DYRK1B: variants seen among roughly 807,000 people sequenced by gnomAD.
DYRK1B encodes the protein dual specificity tyrosine phosphorylation regulated kinase 1B.
A neutral mutation model predicts 57.1 loss-of-function variants in DYRK1B; 20 were observed. That is an observed-to-expected ratio of 0.35 (90% CI 0.25 to 0.51). The LOEUF (loss-of-function observed/expected upper bound fraction) is 0.51, where lower values mean the gene tolerates loss of function less well. Among genes scored for constraint, DYRK1B ranks in the 20% least tolerant of loss-of-function variants. The pLI is 0.96. For missense variants in DYRK1B, 732 were observed against 886.3 expected (o/e 0.83, Z 2.21); for synonymous variants, 409 against 384.7 (o/e 1.06, Z -0.74).
chr19:39,826,216 C>T lies in DYRK1B; in HGVS notation c.1482G>A (p.Gly494=). 6.3e-7 allele frequency: 1 copy of T among 1,595,522 alleles called. No homozygotes were observed. The highest frequency in any genetic ancestry group is 8.5e-7 in the Non-Finnish European group (1 of 1,173,666). Residue 494 remains glycine (G), a synonymous_variant, in exon 10 of 11, where the codon GGG becomes GGA. Transcript: ENST00000323039. This position sits in a 1 kb window ranked among gnomAD's most constrained non-coding sequence, Gnocchi z 6.3. The part of the protein sequence containing the change: ...RYSNRYCGGP[G]PPITDCEMNS... ...TCATCTCACAGTCTGTGATAGGGGG[C>T]CCAGGGCCCCCACAATATCGGTTGC...
chr19:39,826,756 G>T lies in DYRK1B; in HGVS notation c.1327C>A (p.Pro443Thr). ...RTADEATNTGPAGSSASTSPA... is the reference protein window; with the variant it reads ...RTADEATNTGTAGSSASTSPA... ...GAGGTGGAGGCACTGCTGCCTGCCGGGCCCGTGTTGGTGGCCTCGTCGGCC... is the reference window on the plus strand; with the variant it reads ...GAGGTGGAGGCACTGCTGCCTGCCGTGCCCGTGTTGGTGGCCTCGTCGGCC... The change falls in exon 9 of 11, where the codon CCG becomes ACG. Residue 443 changes from proline (P) to threonine (T), a missense_variant. Pro to Thr is a conservative substitution (Grantham distance 38). Around this residue, in one of 2 missense-constraint regions of DYRK1B, gnomAD observed 510 missense variants for 681.3 expected, o/e 0.75. Transcript: ENST00000323039. The surrounding 1 kb of genome is among the most constrained non-coding windows in gnomAD (Gnocchi z 6.3). 3 of 1,588,510 alleles carry T rather than the reference G, an allele frequency of 1.9e-6. No individual in the cohort carries two copies. Among genetic ancestry groups the T allele is most frequent in the Non-Finnish European group, 2.6e-6 (3 of 1,169,270 alleles).
At chr19:39,830,890 G>C in intron 2 of DYRK1B, 107 bp from the exon 3 acceptor site, 3 of 1,334,342 alleles carry the variant, frequency 2.2e-6, no homozygotes, top group South Asian at 3.0e-5. Flanking sequence ...GTTGCTGTCT[G>C]TATTTGTTCC....
chr19:39,827,730 C>G, intron 6 of DYRK1B, 74 bp from the exon 7 acceptor site: 2 of 1,551,598 alleles, frequency 1.3e-6, no homozygotes, highest in Non-Finnish European at 1.8e-6. Flanking sequence ...GCTAAGAGGA[C>G]CCAACTGAGG....
chr19:39,828,038 G>T lies in DYRK1B; in HGVS notation c.807+259C>A, dbSNP rs1275094870. ...TAAGAACAGAGAAGACAAAAACTTA[G>T]CGAGGCAGCACCCCTGGCTCAAACC... is the stretch of plus-strand genomic sequence containing the variant. On this transcript the variant is annotated intron_variant, in intron 6 of 10. Transcript: ENST00000323039. This position sits in a 1 kb window ranked among gnomAD's most constrained non-coding sequence, Gnocchi z 4.3. Among the ~76,000 whole-genome samples the T allele has an allele frequency of 2.0e-5, 3 of 152,110 alleles. No individual in the cohort carries two copies. The highest frequency in any genetic ancestry group is 2.9e-5 in the Non-Finnish European group (2 of 68,032).
chr19:39,827,390 G>C lies in DYRK1B; in HGVS notation c.990C>G (p.Gly330=), dbSNP rs762771925. The change falls in exon 8 of 11, where the codon GGC becomes GGG. Residue 330 remains glycine (G), a synonymous_variant. Coordinates refer to ENST00000323039, the MANE Select transcript of DYRK1B (RefSeq NM_004714.3). Reference sequence around the variant, plus strand: ...GGTCCAGCATGGCGGCCGGTGGGATGCCCAGCACCTCCACAATGCGGTTCA... The same window carrying C: ...GGTCCAGCATGGCGGCCGGTGGGATCCCCAGCACCTCCACAATGCGGTTCA... ...DQMNRIVEVL[G]IPPAAMLDQA... is the part of the protein sequence containing the mutation. 1.2e-6 allele frequency: 2 copies of C among 1,613,756 alleles called. No individual in the cohort carries two copies. Among genetic ancestry groups the C allele is most frequent in the Non-Finnish European group, 1.7e-6 (2 of 1,179,732 alleles).
chr19:39,827,195 G>A (rs1968580665), intron 8 of DYRK1B, 90 bp downstream of exon 8: 3 of 1,466,500 alleles, frequency 2.0e-6, no homozygotes, highest in Admixed American at 2.2e-5. Flanking sequence ...GGAAGGGAAA[G>A]ACACAAGGGA....
rs761145549 is a variant in DYRK1B at position 39,826,760 on chromosome 19, C to T, written c.1323G>A (p.Thr441=). ...TGGAGGCACTGCTGCCTGCCGGGCC[C>T]GTGTTGGTGGCCTCGTCGGCCGTGC... The part of the protein sequence containing the change: ...FRRTADEATN[T]GPAGSSASTS... The change falls in exon 9 of 11, where the codon ACG becomes ACA. Residue 441 remains threonine (T), a synonymous_variant. Coordinates refer to ENST00000323039, the MANE Select transcript of DYRK1B (RefSeq NM_004714.3). The surrounding 1 kb of genome is among the most constrained non-coding windows in gnomAD (Gnocchi z 6.3). 3.2e-5 allele frequency: 51 copies of T among 1,586,170 alleles called. 2 individuals are homozygous for T. Among genetic ancestry groups the T allele is most frequent in the East Asian group, 6.9e-5 (3 of 43,654 alleles).
Position 39,828,723 on chromosome 19 carries a change from T to C in DYRK1B, c.521-140A>G. 1.2e-6 allele frequency: 1 copy of C among 844,836 alleles called. No homozygotes were observed. The highest frequency in any genetic ancestry group is 1.8e-5 in the South Asian group (1 of 54,920). The allele number at this position is 844,836 out of a possible 1,614,324, so 52.3% of individuals were successfully genotyped here. On this transcript the variant is annotated intron_variant, in intron 5 of 10. Coordinates refer to ENST00000323039, the MANE Select transcript of DYRK1B (RefSeq NM_004714.3). The surrounding 1 kb of genome is among the most constrained non-coding windows in gnomAD (Gnocchi z 4.3). ...GTACCATCTGCTAGTCAAAATCTTT[T>C]TATCTAACAACTAGATTCACACAGG...
At position 39,828,499 on chromosome 19, in the gene DYRK1B, C is replaced by G; in HGVS notation, c.605G>C (p.Arg202Pro). 1 of 1,613,446 alleles carries G rather than the reference C, an allele frequency of 6.2e-7. No homozygotes were observed. The highest frequency in any genetic ancestry group is 8.5e-7 in the Non-Finnish European group (1 of 1,179,778). The change falls in exon 6 of 11, where the codon CGC (arginine) becomes CCC (proline). Residue 202 changes from arginine (R) to proline (P), a missense_variant. Physicochemically the swap from Arg to Pro is moderately radical, Grantham distance 103 (BLOSUM62 -2). Coordinates refer to ENST00000323039, the MANE Select transcript of DYRK1B (RefSeq NM_004714.3). The surrounding 1 kb of genome is among the most constrained non-coding windows in gnomAD (Gnocchi z 4.3). ...LLSYNLYDLL[R>P]NTHFRGVSLN... ...CGAGACGCCGCGGAAGTGGGTGTTG[C>G]GCAGGAGGTCGTACAGGTTGTAGGA... is the stretch of plus-strand genomic sequence containing the variant.
Position 39,827,116 on chromosome 19 carries a change from G to T in DYRK1B, c.1096-129C>A. Reference sequence around the variant, plus strand: ...AAAGAAAAGCTAAGAAGAGTTGTGGGGTGGGAAGGAGAGATGGGAGATGGG... The same window carrying T: ...AAAGAAAAGCTAAGAAGAGTTGTGGTGTGGGAAGGAGAGATGGGAGATGGG... On this transcript the variant is annotated intron_variant, in intron 8 of 10. Coordinates refer to ENST00000323039, the MANE Select transcript of DYRK1B (RefSeq NM_004714.3). 4 of 1,167,720 alleles carry T rather than the reference G, an allele frequency of 3.4e-6. No individual in the cohort carries two copies. The South Asian group carries it at 6.4e-5, about 19-fold the overall frequency. The allele number at this position is 1,167,720 out of a possible 1,614,324, so 72.3% of individuals were successfully genotyped here.
chr19:39,830,066 G>A lies in DYRK1B; in HGVS notation c.373-39C>T, dbSNP rs761671979. On this transcript the variant is annotated intron_variant, in intron 4 of 10. Transcript: ENST00000323039. ...GCATGTCACGAAGAAAGGGGTGGGAGCAGGGCAGAGCCAGGCACCATTCTT... is the reference window on the plus strand; with the variant it reads ...GCATGTCACGAAGAAAGGGGTGGGAACAGGGCAGAGCCAGGCACCATTCTT... The A allele has an allele frequency of 5.6e-6, 9 of 1,604,420 alleles. No homozygotes were observed. The South Asian group carries it at 1.0e-4, about 18-fold the overall frequency.
Position 39,830,022 on chromosome 19 carries a change from C to T in DYRK1B, c.378G>A (p.Val126=), listed in dbSNP as rs202093977. 6.2e-7 allele frequency: 1 copy of T among 1,613,996 alleles called. No homozygotes were observed. The highest frequency in any genetic ancestry group is 8.5e-7 in the Non-Finnish European group (1 of 1,179,964). ...LIGKGSFGQV[V]KAYDHQTQEL... Reference sequence around the variant, plus strand: ...CCTGGGTCTGATGATCATAGGCTTTCACCACCTGTTGGGGCAGGGCATGTC... The same window carrying T: ...CCTGGGTCTGATGATCATAGGCTTTTACCACCTGTTGGGGCAGGGCATGTC... Residue 126 remains valine, a synonymous_variant, in exon 5 of 11, where the codon GTG becomes GTA. Transcript: ENST00000323039.
At position 39,826,024 on chromosome 19, in the gene DYRK1B, T is replaced by C. The variant is rs762730383; in HGVS notation, c.1581A>G (p.Gln527=). 1.4e-5 allele frequency: 22 copies of C among 1,521,736 alleles called. No homozygotes were observed. The highest frequency in any genetic ancestry group is 1.8e-5 in the Non-Finnish European group (21 of 1,137,514). 94.3% of individuals were successfully genotyped at this position (1,521,736 alleles called of 1,614,324 possible). ...GCAGTGACGAGGCAGAGGCAGGGGC[T>C]TGATGTGTCTTGTGGGGCACATCAC... The part of the protein sequence containing the change: ...AGGDVPHKTH[Q]APASASSLPG... Residue 527 remains glutamine (Q), a synonymous_variant, in exon 11 of 11, where the codon CAA becomes CAG. Transcript: ENST00000323039. The surrounding 1 kb of genome is among the most constrained non-coding windows in gnomAD (Gnocchi z 6.3).
At chr19:39,833,160 C>A (rs1168077310) in intron 1 of DYRK1B, 11 of 985,626 alleles carry the variant, frequency 1.1e-5, no homozygotes, top group Non-Finnish European at 1.3e-5. Flanking sequence ...CTATTCCATG[C>A]CTTGCCACTC....
In DYRK1B at chr19:39,828,209, T is replaced by C. The variant is rs1599640788; in HGVS notation, c.807+88A>G. The C allele has an allele frequency of 7.0e-7, 1 of 1,437,110 alleles. No individual in the cohort carries two copies. The allele number at this position is 1,437,110 out of a possible 1,614,324, so 89.0% of individuals were successfully genotyped here. A position where few individuals can be genotyped will look rare whatever the true frequency, so the allele number is the denominator to read the frequency against. ...GTTCCCACGGCTCCTAATAATCCCA[T>C]CCCAGCCAAGCCCCGCCCCTAAGCC... On this transcript the variant is annotated intron_variant, in intron 6 of 10. Transcript: ENST00000323039. This position sits in a 1 kb window ranked among gnomAD's most constrained non-coding sequence, Gnocchi z 4.3.
At chr19:39,830,875 A>G in intron 2 of DYRK1B, 92 bp from the exon 3 acceptor site, 1 of 1,434,230 alleles carries the variant, frequency 7.0e-7, no homozygotes, top group Non-Finnish European at 9.3e-7. Flanking sequence ...CACATCATGT[A>G]TTTGGTTGCT....
At chr19:39,829,256 C>G (rs1968692167) in intron 5 of DYRK1B, among the ~76,000 whole-genome samples, 2 of 146,182 alleles carry the variant, frequency 1.4e-5, no homozygotes, top group Non-Finnish European at 3.0e-5. Flanking sequence ...GAGATGGAGT[C>G]TCGCTCTGTC....
intron 1 of DYRK1B, among the ~76,000 whole-genome samples, chr19:39,832,538 C>T (rs561840221): frequency 6.6e-6 from 1 of 152,256 alleles, no homozygotes; most frequent in East Asian, 1.9e-4. Context: ...TCTTCCCCTC[C>T]CAAACCACAG....
At position 39,826,020 on chromosome 19, in the gene DYRK1B, G is replaced by A. The variant is rs930345196; in HGVS notation, c.1585C>T (p.Pro529Ser). The A allele has an allele frequency of 5.3e-6, 8 of 1,521,544 alleles. No homozygotes were observed. Among genetic ancestry groups the A allele is most frequent in the African/African-American group, 1.4e-5 (1 of 71,694 alleles). The allele number at this position is 1,521,544 out of a possible 1,614,324, so 94.3% of individuals were successfully genotyped here. A position where few individuals can be genotyped will look rare whatever the true frequency, so the allele number is the denominator to read the frequency against. The stretch of plus-strand genomic sequence containing the variant: ...CCAGGCAGTGACGAGGCAGAGGCAG[G>A]GGCTTGATGTGTCTTGTGGGGCACA... Reference protein sequence around the residue: ...GDVPHKTHQAPASASSLPGTG... With the variant: ...GDVPHKTHQASASASSLPGTG... Residue 529 changes from proline to serine, a missense_variant, in exon 11 of 11, where the codon CCT (proline) becomes TCT (serine). This residue lies in a region of DYRK1B where 222 missense variants were observed against 205.0 expected (regional missense o/e 1.08). Coordinates refer to ENST00000323039, the MANE Select transcript of DYRK1B (RefSeq NM_004714.3). This position sits in a 1 kb window ranked among gnomAD's most constrained non-coding sequence, Gnocchi z 6.3.
Sources: gnomAD v4.1 joint callset for allele counts (sites outside exome capture counted in the v4.1 genomes callset) on GRCh38, gnomAD v4.1.1 for gene constraint, gnomAD v4.1.1 regional missense constraint, Gnocchi (gnomAD v3.1) non-coding constraint, MANE v1.5 for transcripts, NCBI Gene and HGNC (gene_info 2026-07-23, HGNC 2026-07-21) for gene names.